The following GANC variants were observed in gnomAD, a reference collection of about 807,000 sequenced individuals.
GANC encodes the protein neutral alpha-glucosidase C.
GANC carries 117 observed loss-of-function variants against 124.2 expected under a neutral mutation model. The observed-to-expected ratio is 0.94, with a 90% CI of 0.81 to 1.10. GANC has a LOEUF of 1.10. Among genes scored for constraint, GANC ranks in the 50% least tolerant of loss-of-function variants. The pLI is 0.00. For missense variants in GANC, 1,140 were observed against 1,095.0 expected, an observed-to-expected ratio of 1.04 and a Z score of -0.58; for synonymous variants, 377 against 376.8, an observed-to-expected ratio of 1.00 and a Z score of -0.01.
At chr15:42,298,656 A>G (rs1469806363) in intron 6 of GANC, among the ~76,000 whole-genome samples, 2 of 152,204 alleles carry the variant, frequency 1.3e-5, no homozygotes, top group Admixed American at 6.5e-5. Context: ...TGTATCTTCA[A>G]AAGAGCACTT....
chr15:42,280,636 CATTGTGTCTAACCTGAG>C (rs1281438907), intron 3 of GANC, among the ~76,000 whole-genome samples: 2 of 152,110 alleles, frequency 1.3e-5, no homozygotes, highest in African/African-American at 4.8e-5. Flanking sequence ...TTCCTGTTTC[CATTGTGTCTAACCTGAG>C]AGAGTTGTAG....
At chr15:42,343,018 A>G in intron 18 of GANC, 60 bp from the exon 19 acceptor site, 3 of 1,416,080 alleles carry the variant, frequency 2.1e-6, no homozygotes, top group African/African-American at 1.4e-5. Context: ...AGTTAAAGAG[A>G]AAGGAGATTT....
At chr15:42,282,252 C>CA (rs1223852487) in intron 3 of GANC, among the ~76,000 whole-genome samples, 5 of 152,096 alleles carry the variant, frequency 3.3e-5, no homozygotes, top group Admixed American at 1.3e-4. Flanking sequence ...ACCTGGGAGT[C>CA]AGAGGTTGCA....
intron 2 of GANC, chr15:42,277,915 G>GAAA (rs59950616): frequency 4.2e-4 from 35 of 83,856 alleles, no homozygotes; most frequent in South Asian, 1.3e-3. Context: ...ATGTTCATTT[G>GAAA]AAAAAAAAAA....
chr15:42,274,244 A>G lies in GANC; in HGVS notation c.-238A>G. On this transcript the variant is annotated 5_prime_UTR_variant, in exon 1 of 24. The change creates a new upstream start codon in the 5' untranslated region. Coordinates refer to ENST00000318010, the MANE Select transcript of GANC (RefSeq NM_198141.3). ...AGCACGTTCCTCATCAGCCACCCAT[A>G]ATCAAGACAAATTTGCCAAATAAAT... 1 of 519,032 alleles carries G rather than the reference A, an allele frequency of 1.9e-6. No homozygotes were observed. Among genetic ancestry groups the G allele is most frequent in the Non-Finnish European group, 3.4e-6 (1 of 291,274 alleles). 32.2% of individuals were successfully genotyped at this position (519,032 alleles called of 1,614,324 possible).
intron 8 of GANC, among the ~76,000 whole-genome samples, chr15:42,309,304 G>A (rs2052028266): frequency 6.6e-6 from 1 of 151,908 alleles, no homozygotes; most frequent in Admixed American, 6.6e-5. Flanking sequence ...TAAGCACTGT[G>A]GAAGCCTGTT....
In GANC at chr15:42,352,441, C is replaced by T. The variant is rs2052456340; in HGVS notation, c.*302C>T. The stretch of plus-strand genomic sequence containing the variant: ...TGCTTCCATTCCTTCAGCAGGGCTG[C>T]GTGGGTCTGTTTTAACGTGGGCCAA... On this transcript the variant is annotated 3_prime_UTR_variant, in exon 24 of 24. Coordinates refer to ENST00000318010, the MANE Select transcript of GANC (RefSeq NM_198141.3). 1.6e-5 allele frequency: 18 copies of T among 1,107,956 alleles called. No homozygotes were observed. The highest frequency in any genetic ancestry group is 2.0e-5 in the Non-Finnish European group (18 of 902,240). 68.6% of individuals were successfully genotyped at this position (1,107,956 alleles called of 1,614,324 possible).
intron 18 of GANC, among the ~76,000 whole-genome samples, chr15:42,341,926 TG>T (rs1044778753): frequency 1.3e-5 from 2 of 152,158 alleles, no homozygotes; most frequent in African/African-American, 4.8e-5. Context: ...GTCACTGCCT[TG>T]GAGAAACTTC....
At chr15:42,281,668 C>G (rs1418303843) in intron 3 of GANC, among the ~76,000 whole-genome samples, 1 of 152,004 alleles carries the variant, frequency 6.6e-6, no homozygotes, top group Admixed American at 6.6e-5. Context: ...CTGGGCAACA[C>G]AGACACTGTC....
intron 7 of GANC, among the ~76,000 whole-genome samples, chr15:42,307,146 A>G (rs1338702949): frequency 1.3e-5 from 2 of 151,952 alleles, no homozygotes; most frequent in African/African-American, 4.8e-5. Flanking sequence ...AGTTAGAAAA[A>G]TACTCACTTT....
Position 42,293,991 on chromosome 15 carries a change from C to T in GANC, c.512+1074C>T, listed in dbSNP as rs543509098. Among the ~76,000 whole-genome samples the T allele has an allele frequency of 8.6e-5, 13 of 151,660 alleles. No homozygotes were observed. The South Asian group carries it at 2.5e-3, about 29-fold the overall frequency. On this transcript the variant is annotated intron_variant, in intron 5 of 23. Coordinates refer to ENST00000318010, the MANE Select transcript of GANC (RefSeq NM_198141.3). ...ACTTGAGCCCAGGAGGTCAAGACTGCAGTGAGCTGCGACTGTGGCACTGCA... is the reference window on the plus strand; with the variant it reads ...ACTTGAGCCCAGGAGGTCAAGACTGTAGTGAGCTGCGACTGTGGCACTGCA...
chr15:42,325,785 C>T (rs758992487), intron 11 of GANC, among the ~76,000 whole-genome samples: 16 of 152,030 alleles, frequency 1.1e-4, no homozygotes, highest in Non-Finnish European at 2.1e-4. Context: ...GAGATGGGGT[C>T]TTGTTCTGTC....
At chr15:42,282,684 C>G (rs910274364) in intron 3 of GANC, among the ~76,000 whole-genome samples, 5 of 152,178 alleles carry the variant, frequency 3.3e-5, no homozygotes, top group African/African-American at 1.2e-4. Context: ...CTCTCAATTC[C>G]CTTCCCCAAT....
In GANC at chr15:42,289,088, T is replaced by C. The variant is rs2051818538; in HGVS notation, c.329+1270T>C. ...GTATTAATTCTGCTTCTGTACTGAG[T>C]TCTTTCTAGAGGGCCTTTGGCTACT... On this transcript the variant is annotated intron_variant, in intron 4 of 23. Coordinates refer to ENST00000318010, the MANE Select transcript of GANC (RefSeq NM_198141.3). Among the ~76,000 whole-genome samples, 3 of 152,206 alleles carry C rather than the reference T, an allele frequency of 2.0e-5. No individual in the cohort carries two copies. The South Asian group carries it at 6.2e-4, about 31-fold the overall frequency.
chr15:42,291,210 C>G (rs2051837824), intron 4 of GANC, among the ~76,000 whole-genome samples: 1 of 152,054 alleles, frequency 6.6e-6, no homozygotes, highest in South Asian at 2.1e-4. Flanking sequence ...ATTCCTAGAC[C>G]AGAAAGAAGG....
intron 13 of GANC, among the ~76,000 whole-genome samples, chr15:42,328,659 A>G (rs1243675278): frequency 7.9e-5 from 12 of 152,184 alleles, no homozygotes; most frequent in Admixed American, 7.9e-4. Flanking sequence ...GAAAAATAAT[A>G]GAATGAGCTG....
chr15:42,274,425 G>T lies in GANC; in HGVS notation c.-57G>T. On this transcript the variant is annotated 5_prime_UTR_variant, in exon 1 of 24. Coordinates refer to ENST00000318010, the MANE Select transcript of GANC (RefSeq NM_198141.3). ...AGACACCCAATCGGCTTTTTTAAAAGATCGCCCAGGGCCCTTGTCCTGAGA... is the reference window on the plus strand; with the variant it reads ...AGACACCCAATCGGCTTTTTTAAAATATCGCCCAGGGCCCTTGTCCTGAGA... 1.3e-6 allele frequency: 2 copies of T among 1,582,630 alleles called. No individual in the cohort carries two copies. The highest frequency in any genetic ancestry group is 1.7e-6 in the Non-Finnish European group (2 of 1,163,964).
intron 3 of GANC, among the ~76,000 whole-genome samples, chr15:42,285,894 C>T (rs577990135): frequency 7.6e-4 from 115 of 152,240 alleles, no homozygotes; most frequent in African/African-American, 2.7e-3. Flanking sequence ...AGGATTAACT[C>T]TGATTTATAC....
intron 23 of GANC, 40 bp downstream of exon 23, chr15:42,351,472 A>G: frequency 7.1e-7 from 1 of 1,413,834 alleles, no homozygotes; most frequent in Non-Finnish European, 1.0e-6. Context: ...ATTTGTTTTT[A>G]TAAACAGAAG....
Sources: allele counts gnomAD v4.1 joint callset (sites outside exome capture counted in the v4.1 genomes callset), GRCh38; gene constraint gnomAD v4.1.1; transcripts MANE v1.5; gene names NCBI Gene and HGNC (gene_info 2026-07-23, HGNC 2026-07-21).